CNTNAP2: variants seen among roughly 807,000 people sequenced by gnomAD.
CNTNAP2 encodes the protein contactin-associated protein-like 2.
Under a neutral mutation model 155.2 loss-of-function variants are expected in CNTNAP2, and 98 were observed. The observed-to-expected ratio is 0.63, with a 90% CI of 0.54 to 0.75. The LOEUF is 0.75. Among genes scored for constraint, CNTNAP2 ranks in the 30% least tolerant of loss-of-function variants. CNTNAP2 has a pLI of 0.00. For missense variants in CNTNAP2, 1,727 were observed against 1,688.1 expected, an observed-to-expected ratio of 1.02 and a Z score of -0.40; for synonymous variants, 651 against 631.2, an observed-to-expected ratio of 1.03 and a Z score of -0.47.
At chr7:147,277,972 T>C (rs969101342) in intron 8 of CNTNAP2, among the ~76,000 whole-genome samples, 2 of 151,832 alleles carry the variant, frequency 1.3e-5, no homozygotes, top group East Asian at 1.9e-4. Context: ...ATGAAATGCA[T>C]GCAAATTGCT....
intron 4 of CNTNAP2, among the ~76,000 whole-genome samples, chr7:147,094,274 C>T (rs1800475533): frequency 6.6e-6 from 1 of 152,164 alleles, no homozygotes; most frequent in South Asian, 2.1e-4. Context: ...TGTTCACGGC[C>T]ACTTAGGTAT....
rs1227595361 is a variant in CNTNAP2, at chr7:147,724,487, T to C, written c.2098+85181T>C. Among the ~76,000 whole-genome samples the C allele has an allele frequency of 4.6e-5, 7 of 152,040 alleles. No homozygotes were observed. In the South Asian group the frequency reaches 1.2e-3, roughly 27 times the overall value. On this transcript the variant is annotated intron_variant, in intron 13 of 23. Coordinates refer to ENST00000361727, the MANE Select transcript of CNTNAP2 (RefSeq NM_014141.6). ...TATCCTAGTTTTGCCTATTTGGCCA[T>C]TGAAAACCAATCCAAACAGCCTCTT... is the stretch of plus-strand genomic sequence containing the variant.
intron 1 of CNTNAP2, among the ~76,000 whole-genome samples, chr7:146,430,832 G>T (rs1796162961): frequency 6.6e-6 from 1 of 151,960 alleles, no homozygotes; most frequent in South Asian, 2.1e-4. Context: ...AATGAAAATA[G>T]AGCTTCATAT....
At chr7:146,458,462 A>T (rs1796589011) in intron 1 of CNTNAP2, among the ~76,000 whole-genome samples, 1 of 152,198 alleles carries the variant, frequency 6.6e-6, no homozygotes, top group East Asian at 1.9e-4. Context: ...TCACCCTCAC[A>T]TGCATCTCTT....
intron 4 of CNTNAP2, among the ~76,000 whole-genome samples, chr7:147,048,444 C>T (rs924616166): frequency 1.3e-5 from 2 of 152,042 alleles, no homozygotes; most frequent in Admixed American, 6.5e-5. Context: ...TTCTGACCTC[C>T]GAAGTTGTGA....
chr7:147,329,528 A>G (rs1444051032), intron 9 of CNTNAP2, among the ~76,000 whole-genome samples: 1 of 152,110 alleles, frequency 6.6e-6, no homozygotes, highest in South Asian at 2.1e-4. Context: ...TGTATTTGTA[A>G]CATAAGATAC....
At chr7:147,104,834 T>TCTC (rs1800726638) in intron 4 of CNTNAP2, among the ~76,000 whole-genome samples, 1 of 145,000 alleles carries the variant, frequency 6.9e-6, no homozygotes, top group Non-Finnish European at 1.5e-5. Flanking sequence ...ATTCTCCCTC[T>TCTC]CTCTCTCCCA....
chr7:147,910,616 G>A (rs544970661), intron 14 of CNTNAP2, among the ~76,000 whole-genome samples: 3 of 152,280 alleles, frequency 2.0e-5, no homozygotes, highest in Admixed American at 2.0e-4. Flanking sequence ...CCACATGGAT[G>A]GGGAGGCCTC....
intron 13 of CNTNAP2, among the ~76,000 whole-genome samples, chr7:147,755,199 C>T (rs1182835832): frequency 6.6e-6 from 1 of 152,156 alleles, no homozygotes; most frequent in Non-Finnish European, 1.5e-5. Flanking sequence ...GTCAGGGAGA[C>T]TTTAGCATAG....
At chr7:148,130,470 C>A in intron 16 of CNTNAP2, among the ~76,000 whole-genome samples, 1 of 152,186 alleles carries the variant, frequency 6.6e-6, no homozygotes, top group East Asian at 1.9e-4. Flanking sequence ...TCCAGTCCCT[C>A]TATCCTGATA....
intron 10 of CNTNAP2, among the ~76,000 whole-genome samples, chr7:147,475,947 A>C (rs536830340): frequency 6.6e-6 from 1 of 152,116 alleles, no homozygotes; most frequent in Admixed American, 6.6e-5. Flanking sequence ...TTTTAATTCT[A>C]TTCTATTGAT....
At chr7:146,745,718 A>G (rs1801798127) in intron 1 of CNTNAP2, among the ~76,000 whole-genome samples, 1 of 149,338 alleles carries the variant, frequency 6.7e-6, no homozygotes, top group African/African-American at 2.5e-5. Context: ...GTAAACTGAG[A>G]TTGTGCCACT....
rs1220038707 is a variant in CNTNAP2 at position 147,299,951 on chromosome 7, G to A, written c.1349-190G>A. Among the ~76,000 whole-genome samples, 2 of 152,154 alleles carry A rather than the reference G, an allele frequency of 1.3e-5. 1 individual carries two copies. The highest frequency in any genetic ancestry group is 4.2e-4 in the South Asian group (2 of 4,818). On this transcript the variant is annotated intron_variant, in intron 8 of 23. Transcript: ENST00000361727. ...ATTGGGTTATATTATGCCTTATTCA[G>A]TTAGGTGGAGTATAGAACCACTTAT...
chr7:147,598,698 C>T (rs925526826), intron 12 of CNTNAP2, among the ~76,000 whole-genome samples: 1 of 152,040 alleles, frequency 6.6e-6, no homozygotes. Context: ...GGCTGTGTCC[C>T]CACCCAAATC....
chr7:148,288,887 C>T (rs1797139526), intron 21 of CNTNAP2, among the ~76,000 whole-genome samples: 1 of 143,562 alleles, frequency 7.0e-6, no homozygotes, highest in Non-Finnish European at 1.5e-5. Context: ...GTTTTTAAAC[C>T]TCCTGTTCAT....
At chr7:146,295,318 T>A (rs1800496104) in intron 1 of CNTNAP2, among the ~76,000 whole-genome samples, 1 of 138,554 alleles carries the variant, frequency 7.2e-6, no homozygotes, top group Non-Finnish European at 1.5e-5. Flanking sequence ...AACTGTTTTT[T>A]TTGGTTTGTT....
intron 20 of CNTNAP2, among the ~76,000 whole-genome samples, chr7:148,256,086 T>A (rs1796448664): frequency 6.6e-6 from 1 of 152,168 alleles, no homozygotes; most frequent in Non-Finnish European, 1.5e-5. Context: ...TCTGCCGAGA[T>A]GTTTTAGTAC....
intron 16 of CNTNAP2, among the ~76,000 whole-genome samples, chr7:148,119,942 T>C (rs1804565200): frequency 6.6e-6 from 1 of 151,804 alleles, no homozygotes; most frequent in Admixed American, 6.6e-5. Context: ...AATCCCCCCT[T>C]TACTGAATTC....
At chr7:147,978,365 T>C (rs1257983087) in intron 15 of CNTNAP2, among the ~76,000 whole-genome samples, 3 of 152,246 alleles carry the variant, frequency 2.0e-5, no homozygotes, top group Non-Finnish European at 4.4e-5. Context: ...ACCGAGTTTA[T>C]GGTGATATAA....
Sources: gnomAD v4.1 joint callset for allele counts (sites outside exome capture counted in the v4.1 genomes callset) on GRCh38, gnomAD v4.1.1 for gene constraint, MANE v1.5 for transcripts, NCBI Gene and HGNC (gene_info 2026-07-23, HGNC 2026-07-21) for gene names.